GPC1: variants seen among roughly 807,000 people sequenced by gnomAD.
GPC1 encodes the protein glypican 1.
A neutral mutation model predicts 51.5 loss-of-function variants in GPC1; 26 were observed. The observed-to-expected ratio is 0.50, with a 90% confidence interval of 0.37 to 0.70. The LOEUF (loss-of-function observed/expected upper bound fraction) is 0.70, where lower values mean the gene tolerates loss of function less well. Ranked by LOEUF, GPC1 falls within the 30% of genes least tolerant of loss-of-function variation. The pLI is 0.00. For synonymous variants in GPC1, 380 were observed against 348.3 expected, an observed-to-expected ratio of 1.09 and a Z score of -1.01; for missense variants, 775 against 800.5, an observed-to-expected ratio of 0.97 and a Z score of 0.38.
At position 240,454,681 on chromosome 2, in the gene GPC1, G is replaced by C. The variant is rs541506057; in HGVS notation, c.167-4349G>C. Among the ~76,000 whole-genome samples the C allele has an allele frequency of 7.9e-5, 12 of 152,366 alleles. No homozygotes were observed. In the East Asian group the frequency reaches 2.3e-3, roughly 29 times the overall value. Reference sequence around the variant, plus strand: ...AAATTCCGGTACCTTAGGCATTCGAGTCTGTTGACACTGAGTGTCTAGGAC... The same window carrying C: ...AAATTCCGGTACCTTAGGCATTCGACTCTGTTGACACTGAGTGTCTAGGAC... On this transcript the variant is annotated intron_variant, in intron 1 of 8. Coordinates refer to ENST00000264039, the MANE Select transcript of GPC1 (RefSeq NM_002081.3).
intron 1 of GPC1, among the ~76,000 whole-genome samples, chr2:240,439,207 G>A (rs569078442): frequency 6.6e-6 from 1 of 152,242 alleles, no homozygotes; most frequent in African/African-American, 2.4e-5. Context: ...TGTAGCCACA[G>A]AACCCGGCTG....
chr2:240,440,208 G>A (rs993106152), intron 1 of GPC1, among the ~76,000 whole-genome samples: 10 of 152,198 alleles, frequency 6.6e-5, no homozygotes, highest in Non-Finnish European at 1.0e-4. Context: ...AATGGCATCC[G>A]GTACCCTAAG....
At chr2:240,455,565 G>A (rs1355036721) in intron 1 of GPC1, among the ~76,000 whole-genome samples, 2 of 152,204 alleles carry the variant, frequency 1.3e-5, no homozygotes, top group African/African-American at 4.8e-5. Flanking sequence ...AGAGGGAGAG[G>A]GACATGGGGA....
intron 1 of GPC1, chr2:240,454,971 C>G (rs1256219085): frequency 4.4e-6 from 1 of 228,052 alleles, no homozygotes; most frequent in South Asian, 4.8e-5. Flanking sequence ...CAAGAGGAAA[C>G]TGCGGGGTGG....
chr2:240,468,041 T>TAAAA lies in GPC1; in HGVS notation c.*1751_*1752insAAAA, dbSNP rs1435756992. On this transcript the variant is annotated 3_prime_UTR_variant, in exon 9 of 9. Transcript: ENST00000264039. ...AGTGTCAGCGGGTGACGTGTGTTCT[T>TAAAA]TTGAGTCCTTGTATGAATAAAAGGC... is the stretch of plus-strand genomic sequence containing the variant. 2.1e-4 allele frequency: 32 copies of TAAAA among 152,438 alleles called. No individual in the cohort carries two copies. Among genetic ancestry groups the TAAAA allele is most frequent in the African/African-American group, 7.2e-4 (30 of 41,568 alleles). The allele number at this position is 152,438 out of a possible 1,614,324, so 9.4% of individuals were successfully genotyped here.
At position 240,464,663 on chromosome 2, in the gene GPC1, G is replaced by T; in HGVS notation, c.931G>T (p.Glu311Ter). ...TDKFWGTSGV[E>*]SVIGSVHTWL... is the part of the protein sequence containing the mutation. ...CAAGTTCTGGGGTACATCGGGTGTG[G>T]AGAGTGTCATCGGCAGCGTGCACAC... The change falls in exon 5 of 9, where the codon GAG (glutamate) becomes TAG (stop). Residue 311 changes from glutamate to a stop codon, truncating the protein, a stop_gained. Coordinates refer to ENST00000264039, the MANE Select transcript of GPC1 (RefSeq NM_002081.3). LOFTEE classifies it high-confidence loss of function. 1 of 1,613,310 alleles carries T rather than the reference G, an allele frequency of 6.2e-7. No individual in the cohort carries two copies. Among genetic ancestry groups the T allele is most frequent in the South Asian group, 1.1e-5 (1 of 91,060 alleles).
Position 240,435,998 on chromosome 2 carries a change from G to C in GPC1, c.80G>C (p.Ser27Thr). The change falls in exon 1 of 9, where the codon AGC (serine) becomes ACC (threonine). Residue 27 changes from serine to threonine, a missense_variant. Coordinates refer to ENST00000264039, the MANE Select transcript of GPC1 (RefSeq NM_002081.3). ...LVACARGDPA[S>T]KSRSCGEVRQ... ...GCCTGCGCCCGCGGGGACCCGGCCA[G>C]CAAGAGCCGGAGCTGCGGCGAGGTC... 1.4e-6 allele frequency: 2 copies of C among 1,381,874 alleles called. No individual in the cohort carries two copies. The highest frequency in any genetic ancestry group is 1.9e-6 in the Non-Finnish European group (2 of 1,064,888). The allele number at this position is 1,381,874 out of a possible 1,614,324, so 85.6% of individuals were successfully genotyped here.
intron 2 of GPC1, among the ~76,000 whole-genome samples, chr2:240,460,280 G>A (rs548537964): frequency 2.6e-5 from 4 of 152,010 alleles, no homozygotes; most frequent in Admixed American, 6.5e-5. Context: ...CGTGGGATGC[G>A]CGTGGCCCCT....
At position 240,435,764 on chromosome 2, in the gene GPC1, T is replaced by G; in HGVS notation, c.-155T>G. 2.7e-6 allele frequency: 1 copy of G among 376,794 alleles called. No homozygotes were observed. Among genetic ancestry groups the G allele is most frequent in the Non-Finnish European group, 4.3e-6 (1 of 231,308 alleles). 23.3% of individuals were successfully genotyped at this position (376,794 alleles called of 1,614,324 possible). Reference sequence around the variant, plus strand: ...CCGCGCCGCCGCCGCCGCCGGCTTTTGTTGTCTCCGCCTCCTCGGCCGCCG... The same window carrying G: ...CCGCGCCGCCGCCGCCGCCGGCTTTGGTTGTCTCCGCCTCCTCGGCCGCCG... On this transcript the variant is annotated 5_prime_UTR_variant, in exon 1 of 9. Coordinates refer to ENST00000264039, the MANE Select transcript of GPC1 (RefSeq NM_002081.3).
At position 240,468,040 on chromosome 2, in the gene GPC1, TTTTGAGTCCTTGTATGAATAAA is replaced by T. The variant is rs1320271246; in HGVS notation, c.*1751_*1772del. 6.6e-6 allele frequency: 1 copy of T among 152,284 alleles called. No individual in the cohort carries two copies. The highest frequency in any genetic ancestry group is 1.5e-5 in the Non-Finnish European group (1 of 68,158). 9.4% of individuals were successfully genotyped at this position (152,284 alleles called of 1,614,324 possible). ...CAGTGTCAGCGGGTGACGTGTGTTCTTTTGAGTCCTTGTATGAATAAAAGGCTGGAAACCTACAGCAGGGCGA... is the reference window on the plus strand; with the variant it reads ...CAGTGTCAGCGGGTGACGTGTGTTCTAGGCTGGAAACCTACAGCAGGGCGA... On this transcript the variant is annotated 3_prime_UTR_variant, in exon 9 of 9. Coordinates refer to ENST00000264039, the MANE Select transcript of GPC1 (RefSeq NM_002081.3).
chr2:240,463,830 G>C (rs2151796842), intron 4 of GPC1: 1 of 403,798 alleles, frequency 2.5e-6, no homozygotes, highest in Non-Finnish European at 4.5e-6. Context: ...ACCGGCACTT[G>C]TTTAAGCTAA....
At chr2:240,461,690 G>A (rs1028629622) in intron 2 of GPC1, among the ~76,000 whole-genome samples, 8 of 152,170 alleles carry the variant, frequency 5.3e-5, no homozygotes, top group East Asian at 1.9e-4. Context: ...GAGAGCAGCC[G>A]AGACAGGGTG....
rs1191712429 is a variant in GPC1 at position 240,463,341 on chromosome 2, C to G, written c.718-6C>G. 1 of 1,612,058 alleles carries G rather than the reference C, an allele frequency of 6.2e-7. No individual in the cohort carries two copies. Among genetic ancestry groups the G allele is most frequent in the Admixed American group, 1.7e-5 (1 of 59,990 alleles). On this transcript the variant is annotated splice_region_variant and splice_polypyrimidine_tract_variant and intron_variant, in intron 3 of 8. Coordinates refer to ENST00000264039, the MANE Select transcript of GPC1 (RefSeq NM_002081.3). ...GGGGCCTGGCTTAGGGTCCCTTGCT[C>G]CCCAGGTCCCCCTGGGCCCGGAGTG... is the stretch of plus-strand genomic sequence containing the variant.
chr2:240,463,409 G>T lies in GPC1; in HGVS notation c.780G>T (p.Leu260=), dbSNP rs566181546. The T allele has an allele frequency of 6.2e-7, 1 of 1,612,946 alleles. No homozygotes were observed. Among genetic ancestry groups the T allele is most frequent in the Non-Finnish European group, 8.5e-7 (1 of 1,179,876 alleles). ...AGCTGGTCTACTGTGCTCACTGCCT[G>T]GGAGTCCCCGGCGCCAGGCCCTGCC... ...VMKLVYCAHC[L]GVPGARPCPD... The change falls in exon 4 of 9, where the codon CTG becomes CTT. Residue 260 remains leucine, a synonymous_variant. Coordinates refer to ENST00000264039, the MANE Select transcript of GPC1 (RefSeq NM_002081.3).
At position 240,463,518 on chromosome 2, in the gene GPC1, C is replaced by A. The variant is rs1333976662; in HGVS notation, c.883+6C>A. The A allele has an allele frequency of 2.5e-6, 4 of 1,611,528 alleles. No homozygotes were observed. The highest frequency in any genetic ancestry group is 3.4e-6 in the Non-Finnish European group (4 of 1,178,950). The stretch of plus-strand genomic sequence containing the variant: ...CGAGTGGAGGAACCTCCTGGGTGAG[C>A]CCCCACCCGCGAGAGCGGCCTGGAA... On this transcript the variant is annotated splice_donor_region_variant and intron_variant, in intron 4 of 8. Transcript: ENST00000264039.
At chr2:240,445,110 G>A (rs7569539) in intron 1 of GPC1, among the ~76,000 whole-genome samples, 23,644 of 152,162 alleles carry the variant, frequency 0.16, 2,132 homozygotes, top group African/African-American at 0.25. Context: ...CCCCCTCCCC[G>A]AGCCTGGCGG....
Position 240,462,509 on chromosome 2 carries a change from G to C in GPC1, c.644G>C (p.Arg215Pro). Residue 215 changes from arginine to proline, a missense_variant, in exon 3 of 9, where the codon CGT becomes CCT. Physicochemically the swap from Arg to Pro is moderately radical, Grantham distance 103 (BLOSUM62 -2). Coordinates refer to ENST00000264039, the MANE Select transcript of GPC1 (RefSeq NM_002081.3). ...AGAGAGCTGCGCCTGCGGGCCACCC[G>C]TGCCTTCGTGGCTGCTCGCTCCTTT... ...APRELRLRAT[R>P]AFVAARSFVQ... is the part of the protein sequence containing the mutation. 6.3e-7 allele frequency: 1 copy of C among 1,590,822 alleles called. No homozygotes were observed. Among genetic ancestry groups the C allele is most frequent in the Non-Finnish European group, 8.5e-7 (1 of 1,170,180 alleles).
intron 1 of GPC1, among the ~76,000 whole-genome samples, chr2:240,446,867 G>C (rs1383600427): frequency 6.6e-6 from 1 of 152,216 alleles, no homozygotes; most frequent in Non-Finnish European, 1.5e-5. Flanking sequence ...AGGGTGGGCA[G>C]CCCCTGGGCA....
chr2:240,459,283 T>G (rs2074197207), intron 2 of GPC1, 95 bp downstream of exon 2: 1 of 1,187,920 alleles, frequency 8.4e-7, no homozygotes, highest in Non-Finnish European at 1.2e-6. Context: ...ATGCCAAGGG[T>G]GGGGGATTGG....
Sources: gnomAD v4.1 joint callset for allele counts (sites outside exome capture counted in the v4.1 genomes callset) on GRCh38, gnomAD v4.1.1 for gene constraint, MANE v1.5 for transcripts, NCBI Gene and HGNC (gene_info 2026-07-23, HGNC 2026-07-21) for gene names.